The following LRMDA variants were observed in gnomAD, a reference collection of about 807,000 sequenced individuals.
LRMDA encodes leucine rich melanocyte differentiation associated, also known as leucine-rich melanocyte differentiation-associated protein.
A neutral mutation model predicts 29.8 loss-of-function variants in LRMDA; 18 were observed. The ratio of observed to expected loss-of-function variants is 0.60; its 90% CI spans 0.42 to 0.90. The LOEUF is 0.90. LRMDA is among the 40% of genes least tolerant of loss of function. LRMDA has a pLI of 0.00. For synonymous variants in LRMDA, 125 were observed against 109.4 expected (o/e 1.14, Z -0.89); for missense variants, 273 against 273.9 (o/e 1.00, Z 0.02).
At chr10:76,064,606 A>G (rs1307272020) in intron 5 of LRMDA, among the ~76,000 whole-genome samples, 2 of 152,206 alleles carry the variant, frequency 1.3e-5, no homozygotes, top group Non-Finnish European at 2.9e-5. Flanking sequence ...ATTCTAAACT[A>G]CACTGCGTAT....
chr10:75,560,875 G>A (rs1242141883), intron 2 of LRMDA, among the ~76,000 whole-genome samples: 1 of 152,094 alleles, frequency 6.6e-6, no homozygotes, highest in Non-Finnish European at 1.5e-5. Context: ...TGCATCCCAG[G>A]GATGAAGCCC....
At chr10:75,556,373 C>A (rs886078580) in intron 2 of LRMDA, among the ~76,000 whole-genome samples, 3 of 152,064 alleles carry the variant, frequency 2.0e-5, no homozygotes, top group African/African-American at 7.2e-5. Context: ...ATAGGAAAAA[C>A]CAGAAAACTC....
chr10:75,511,326 C>T (rs143954078), intron 2 of LRMDA, among the ~76,000 whole-genome samples: 12 of 152,152 alleles, frequency 7.9e-5, no homozygotes, highest in African/African-American at 1.9e-4. Context: ...TAGAGTGAGA[C>T]CTTGCTTCAA....
chr10:76,151,039 C>T (rs1373007561), intron 5 of LRMDA, among the ~76,000 whole-genome samples: 1 of 152,140 alleles, frequency 6.6e-6, no homozygotes, highest in African/African-American at 2.4e-5. Context: ...GCCCTGTATG[C>T]ACCTCTGAAC....
chr10:76,377,131 C>CA (rs2132466222), intron 6 of LRMDA, among the ~76,000 whole-genome samples: 1 of 152,000 alleles, frequency 6.6e-6, no homozygotes, highest in Non-Finnish European at 1.5e-5. Flanking sequence ...ATGATCTGCC[C>CA]ACCTCGGCCT....
intron 2 of LRMDA, among the ~76,000 whole-genome samples, chr10:75,907,929 G>A (rs535326845): frequency 6.6e-6 from 1 of 152,286 alleles, no homozygotes; most frequent in African/African-American, 2.4e-5. Flanking sequence ...CTCTGAGCAT[G>A]ACTCTTGGGC....
intron 6 of LRMDA, among the ~76,000 whole-genome samples, chr10:76,464,023 G>A (rs1183083903): frequency 6.8e-6 from 1 of 146,582 alleles, no homozygotes; most frequent in Non-Finnish European, 1.5e-5. Flanking sequence ...CGGTTCAAGC[G>A]ATTATCATGC....
intron 2 of LRMDA, among the ~76,000 whole-genome samples, chr10:75,714,403 C>A (rs1211066331): frequency 6.6e-6 from 1 of 152,194 alleles, no homozygotes; most frequent in Non-Finnish European, 1.5e-5. Flanking sequence ...GATATGAGTT[C>A]AGAGCTGGCT....
At chr10:76,070,917 C>G (rs1264806018) in intron 5 of LRMDA, among the ~76,000 whole-genome samples, 1 of 152,100 alleles carries the variant, frequency 6.6e-6, no homozygotes, top group African/African-American at 2.4e-5. Context: ...GAGGAGTAAG[C>G]ATGGCGTGGG....
intron 5 of LRMDA, among the ~76,000 whole-genome samples, chr10:76,061,745 C>A (rs1046050047): frequency 4.6e-5 from 7 of 152,112 alleles, no homozygotes; most frequent in Admixed American, 2.0e-4. Flanking sequence ...GGGGTCTGGG[C>A]TTCCAGTTAA....
At chr10:76,379,990 T>G (rs1485421994) in intron 6 of LRMDA, among the ~76,000 whole-genome samples, 1 of 152,258 alleles carries the variant, frequency 6.6e-6, no homozygotes, top group Admixed American at 6.5e-5. Context: ...AGAAGCAAGT[T>G]GTTTCATTTC....
chr10:76,033,257 T>C (rs183672722), intron 2 of LRMDA, among the ~76,000 whole-genome samples: 243 of 152,236 alleles, frequency 1.6e-3, no homozygotes, highest in African/African-American at 5.8e-3. Flanking sequence ...CACACCACAC[T>C]GATAACATGA....
At chr10:76,079,810 C>T (rs1162880160) in intron 5 of LRMDA, among the ~76,000 whole-genome samples, 1 of 152,138 alleles carries the variant, frequency 6.6e-6, no homozygotes, top group Non-Finnish European at 1.5e-5. Context: ...CATTTCATGT[C>T]AGCTTTTATA....
intron 2 of LRMDA, among the ~76,000 whole-genome samples, chr10:75,468,517 C>G (rs1382102110): frequency 6.6e-6 from 1 of 152,152 alleles, no homozygotes; most frequent in African/African-American, 2.4e-5. Context: ...GCAGTAGACT[C>G]CCCTTTGCTG....
chr10:75,438,643 C>A, intron 2 of LRMDA, 149 bp downstream of exon 2: 1 of 642,358 alleles, frequency 1.6e-6, no homozygotes, highest in Non-Finnish European at 2.7e-6. Flanking sequence ...TGGAATCACA[C>A]CCCAAAGGTT....
intron 2 of LRMDA, among the ~76,000 whole-genome samples, chr10:75,798,473 C>G (rs1357432584): frequency 6.6e-6 from 1 of 151,982 alleles, no homozygotes; most frequent in African/African-American, 2.4e-5. Flanking sequence ...TTAATTTTCT[C>G]TATTGTTAGT....
chr10:75,663,948 C>T (rs1841788333), intron 2 of LRMDA, among the ~76,000 whole-genome samples: 1 of 152,158 alleles, frequency 6.6e-6, no homozygotes, highest in Non-Finnish European at 1.5e-5. Context: ...CTCAGGGGCC[C>T]ATGTGTGTCT....
At chr10:75,541,317 A>G (rs1840012244) in intron 2 of LRMDA, among the ~76,000 whole-genome samples, 1 of 152,272 alleles carries the variant, frequency 6.6e-6, no homozygotes, top group South Asian at 2.1e-4. Context: ...AGCAAACTAA[A>G]AACAGGTCAC....
At chr10:76,112,498 G>A (rs1260568132) in intron 5 of LRMDA, among the ~76,000 whole-genome samples, 6 of 152,202 alleles carry the variant, frequency 3.9e-5, no homozygotes, top group Non-Finnish European at 8.8e-5. Flanking sequence ...GTGGGGAGGG[G>A]GGCGCTTCCA....
Sources: allele counts gnomAD v4.1 joint callset (sites outside exome capture counted in the v4.1 genomes callset), GRCh38; gene constraint gnomAD v4.1.1; transcripts MANE v1.5; gene names NCBI Gene and HGNC (gene_info 2026-07-23, HGNC 2026-07-21).